Variants in SCRN1 observed in about 807,000 individuals in gnomAD.
SCRN1 encodes the protein secernin 1.
A neutral mutation model predicts 43.3 loss-of-function variants in SCRN1; 19 were observed. The ratio of observed to expected loss-of-function variants is 0.44; its 90% confidence interval spans 0.31 to 0.64. The LOEUF is 0.64. SCRN1 is among the 30% of genes least tolerant of loss of function. The pLI is 0.09. For missense variants in SCRN1, 447 were observed against 524.1 expected (o/e 0.85, Z 1.44); for synonymous variants, 183 against 188.9 (o/e 0.97, Z 0.26).
rs6976789 is a variant in SCRN1, at chr7:29,923,318, C to T, written c.*639G>A. 52,644 of 152,164 alleles carry T rather than the reference C, an allele frequency of 0.35. 9,353 individuals are homozygous for T. The highest frequency in any genetic ancestry group is 0.41 in the African/African-American group (16,881 of 41,454). 9.4% of individuals were successfully genotyped at this position (152,164 alleles called of 1,614,324 possible). ...TGCAGTCCACCACACATAAGCACAGCGCATGGAAAATGGGAAGACAGCTTC... is the reference window on the plus strand; with the variant it reads ...TGCAGTCCACCACACATAAGCACAGTGCATGGAAAATGGGAAGACAGCTTC... On this transcript the variant is annotated 3_prime_UTR_variant, in exon 8 of 8. Transcript: ENST00000242059.
At chr7:29,988,772 G>A (rs1789250167) in intron 1 of SCRN1, 1 of 152,248 alleles carries the variant, frequency 6.6e-6, no homozygotes, top group African/African-American at 2.4e-5. Flanking sequence ...AACCCTACAA[G>A]GTCAGCTTTG....
intron 2 of SCRN1, among the ~76,000 whole-genome samples, chr7:29,956,929 C>T (rs1440712385): frequency 3.3e-5 from 5 of 152,142 alleles, no homozygotes; most frequent in African/African-American, 4.8e-5. Context: ...ATGGAATTGA[C>T]GTTTACATCT....
At chr7:29,979,478 T>C (rs1788934878) in intron 1 of SCRN1, among the ~76,000 whole-genome samples, 1 of 152,248 alleles carries the variant, frequency 6.6e-6, no homozygotes, top group Non-Finnish European at 1.5e-5. Context: ...TTAATGAATC[T>C]GTAGGTACGC....
intron 2 of SCRN1, among the ~76,000 whole-genome samples, chr7:29,955,794 T>A (rs954371022): frequency 6.6e-6 from 1 of 152,246 alleles, no homozygotes; most frequent in Non-Finnish European, 1.5e-5. Context: ...AGCAGAACCC[T>A]GAGTCCCCCT....
rs551836281 is a variant in SCRN1, at chr7:29,970,894, T to C, written c.-1-1826A>G. On this transcript the variant is annotated intron_variant, in intron 1 of 7. Transcript: ENST00000242059. ...CCACCCACAGGTACTAATACATCCATTTTGTTATAAAATAATGTACATATG... is the reference window on the plus strand; with the variant it reads ...CCACCCACAGGTACTAATACATCCACTTTGTTATAAAATAATGTACATATG... Among the ~76,000 whole-genome samples the C allele has an allele frequency of 2.6e-5, 4 of 152,292 alleles. No homozygotes were observed. In the East Asian group the frequency reaches 7.7e-4, roughly 29 times the overall value.
At chr7:29,958,394 G>A (rs1050802689) in intron 2 of SCRN1, among the ~76,000 whole-genome samples, 1 of 152,138 alleles carries the variant, frequency 6.6e-6, no homozygotes, top group African/African-American at 2.4e-5. Flanking sequence ...GGTAAAGTCA[G>A]CCATCTAGAA....
chr7:29,942,797 C>A (rs1402240252), intron 4 of SCRN1, among the ~76,000 whole-genome samples: 3 of 152,134 alleles, frequency 2.0e-5, no homozygotes, highest in East Asian at 3.9e-4. Context: ...AGAGGCCACC[C>A]CCTCCTCCAG....
In SCRN1 at chr7:29,950,455, G is replaced by A. The variant is rs969831086; in HGVS notation, c.341+4724C>T. On this transcript the variant is annotated intron_variant, in intron 3 of 7. Coordinates refer to ENST00000242059, the MANE Select transcript of SCRN1 (RefSeq NM_014766.5). The surrounding 1 kb of genome is among the most constrained non-coding windows in gnomAD (Gnocchi z 4.5). ...GATGGCACGTTGATGGCAGGAGGCAGACAGTTTCCTGGGCGGAAAGGAGCA... is the reference window on the plus strand; with the variant it reads ...GATGGCACGTTGATGGCAGGAGGCAAACAGTTTCCTGGGCGGAAAGGAGCA... Among the ~76,000 whole-genome samples, 16 of 152,232 alleles carry A rather than the reference G, an allele frequency of 1.1e-4. No homozygotes were observed. Among genetic ancestry groups the A allele is most frequent in the African/African-American group, 3.6e-4 (15 of 41,450 alleles).
intron 1 of SCRN1, among the ~76,000 whole-genome samples, chr7:29,971,402 G>A (rs1333477805): frequency 6.6e-6 from 1 of 152,198 alleles, no homozygotes; most frequent in Non-Finnish European, 1.5e-5. Context: ...GGAGGCCAAG[G>A]CAGGCAGATC....
rs371179908 is a variant in SCRN1 at position 29,951,878 on chromosome 7, C to T, written c.341+3301G>A. On this transcript the variant is annotated intron_variant, in intron 3 of 7. Transcript: ENST00000242059. Reference sequence around the variant, plus strand: ...TTGAACTGAGGTTGGATTTCACATGCTGCTGGAAAGTGCAAAGTACCAGGA... The same window carrying T: ...TTGAACTGAGGTTGGATTTCACATGTTGCTGGAAAGTGCAAAGTACCAGGA... 1.5e-3 allele frequency among the ~76,000 whole-genome samples: 236 copies of T among 152,312 alleles called. 1 individual carries two copies. Among genetic ancestry groups the T allele is most frequent in the African/African-American group, 5.5e-3 (229 of 41,574 alleles).
chr7:29,957,504 A>G (rs895494633), intron 2 of SCRN1, among the ~76,000 whole-genome samples: 7 of 152,238 alleles, frequency 4.6e-5, no homozygotes, highest in Non-Finnish European at 7.3e-5. Flanking sequence ...CTGTTTATGT[A>G]TACTATCTCC....
chr7:29,929,980 G>A (rs1787105130), intron 6 of SCRN1, among the ~76,000 whole-genome samples: 1 of 151,704 alleles, frequency 6.6e-6, no homozygotes, highest in South Asian at 2.1e-4. Flanking sequence ...GATACCATAA[G>A]TTTGTCCCTC....
intron 4 of SCRN1, among the ~76,000 whole-genome samples, chr7:29,943,146 G>A (rs1019237213): frequency 5.9e-5 from 9 of 152,124 alleles, no homozygotes; most frequent in East Asian, 1.9e-4. Context: ...GAGAAGTGTC[G>A]TGACCTACTA....
rs766147656 is a variant in SCRN1, at chr7:29,926,484, C to T, written c.1054G>A (p.Glu352Lys). 32 of 1,613,804 alleles carry T rather than the reference C, an allele frequency of 2.0e-5. No homozygotes were observed. Among genetic ancestry groups the T allele is most frequent in the East Asian group, 4.5e-5 (2 of 44,892 alleles). Residue 352 changes from glutamate to lysine, a missense_variant, in exon 7 of 8, where the codon GAG (glutamate) becomes AAG (lysine). By Grantham distance (56) the Glu-to-Lys change is moderately conservative (BLOSUM62 1). Transcript: ENST00000242059. The part of the protein sequence containing the change: ...DRRHELYKAH[E>K]WARAIIESDQ... ...CTTTCGATGATGGCACGTGCCCACT[C>T]GTGGGCTTTGTACAGCTCATGCCGG... is the stretch of plus-strand genomic sequence containing the variant.
chr7:29,969,751 C>G (rs1788610934), intron 1 of SCRN1: 1 of 448,914 alleles, frequency 2.2e-6, no homozygotes, highest in Admixed American at 2.4e-5. Flanking sequence ...CAGAGTTTCC[C>G]TTGTCAGTTA....
chr7:29,955,373 C>T lies in SCRN1; in HGVS notation c.160-13G>A. 6.2e-7 allele frequency: 1 copy of T among 1,611,890 alleles called. No individual in the cohort carries two copies. Among genetic ancestry groups the T allele is most frequent in the Non-Finnish European group, 8.5e-7 (1 of 1,178,962 alleles). Reference sequence around the variant, plus strand: ...AAATGTAAGTGCACTGAAAAACAAACACAGGAAAGAAAGCGCCATCACCTG... The same window carrying T: ...AAATGTAAGTGCACTGAAAAACAAATACAGGAAAGAAAGCGCCATCACCTG... On this transcript the variant is annotated splice_polypyrimidine_tract_variant and intron_variant, in intron 2 of 7. Coordinates refer to ENST00000242059, the MANE Select transcript of SCRN1 (RefSeq NM_014766.5).
At chr7:29,926,726 CA>C (rs1456676520) in intron 6 of SCRN1, 94 bp from the exon 7 acceptor site, 23 of 576,006 alleles carry the variant, frequency 4.0e-5, no homozygotes, top group Non-Finnish European at 6.1e-5. Context: ...TTTCCCAAGC[CA>C]ACTTATGGTG....
At chr7:29,962,380 C>T (rs1788355782) in intron 2 of SCRN1, among the ~76,000 whole-genome samples, 1 of 151,598 alleles carries the variant, frequency 6.6e-6, no homozygotes, top group Non-Finnish European at 1.5e-5. Context: ...AACCTCAGGA[C>T]ACATGTTTAA....
chr7:29,978,351 A>G (rs148986031), intron 1 of SCRN1, among the ~76,000 whole-genome samples: 57 of 152,334 alleles, frequency 3.7e-4, no homozygotes, highest in African/African-American at 1.4e-3. Context: ...ACATTCCCGC[A>G]TGATGGCAAG....
Sources: gnomAD v4.1 joint callset for allele counts (sites outside exome capture counted in the v4.1 genomes callset) on GRCh38, gnomAD v4.1.1 for gene constraint, Gnocchi (gnomAD v3.1) non-coding constraint, MANE v1.5 for transcripts, NCBI Gene and HGNC (gene_info 2026-07-23, HGNC 2026-07-21) for gene names.